Variants in PTPRC observed in about 807,000 individuals in gnomAD.
PTPRC encodes protein tyrosine phosphatase receptor type C.
PTPRC carries 44 observed loss-of-function variants against 155.9 expected under a neutral mutation model. The ratio of observed to expected loss-of-function variants is 0.28; its 90% CI spans 0.22 to 0.36. PTPRC has a LOEUF of 0.36. Among genes scored for constraint, PTPRC ranks in the 10% least tolerant of loss-of-function variants. The probability of loss-of-function intolerance (pLI) is 1.00; values close to 1 mark genes in which losing one functional copy is unlikely to be tolerated. For synonymous variants in PTPRC, 525 were observed against 533.1 expected (o/e 0.98, Z 0.21); for missense variants, 1,401 against 1,564.6 (o/e 0.90, Z 1.76).
At chr1:198,693,237 A>T (rs763968379) in intron 3 of PTPRC, 114 of 776,386 alleles carry the variant, frequency 1.5e-4, no homozygotes, top group Non-Finnish European at 1.7e-4. Context: ...GAAAATAGTA[A>T]CAAAAACACT....
chr1:198,689,784 C>T (rs1227533115), intron 2 of PTPRC, among the ~76,000 whole-genome samples: 1 of 152,126 alleles, frequency 6.6e-6, no homozygotes, highest in Non-Finnish European at 1.5e-5. Context: ...TCTTTCTTCT[C>T]CTCCTCTTCC....
At chr1:198,754,647 G>T (rs1655545621) in intron 32 of PTPRC, among the ~76,000 whole-genome samples, 1 of 151,934 alleles carries the variant, frequency 6.6e-6, no homozygotes, top group Admixed American at 6.6e-5. Flanking sequence ...GACAGTTCAT[G>T]AAGAGCCTTT....
intron 11 of PTPRC, among the ~76,000 whole-genome samples, chr1:198,711,467 AC>A (rs1293342411): frequency 2.0e-5 from 3 of 152,192 alleles, no homozygotes; most frequent in Admixed American, 6.5e-5. Context: ...TCACCTCTCA[AC>A]AAACACAAAA....
chr1:198,729,307 T>TAAGCAGAGATTGCACCA, intron 17 of PTPRC, 136 bp downstream of exon 17: 1 of 1,126,226 alleles, frequency 8.9e-7, no homozygotes, highest in Non-Finnish European at 1.2e-6. Context: ...GGTGGTGCAA[T>TAAGCAGAGATTGCACCA]CTCTGCTTAT....
At chr1:198,689,595 T>G (rs1557998983) in intron 2 of PTPRC, among the ~76,000 whole-genome samples, 1 of 152,178 alleles carries the variant, frequency 6.6e-6, no homozygotes, top group African/African-American at 2.4e-5. Flanking sequence ...TCCGTCATTC[T>G]GAGGAAAAAG....
intron 2 of PTPRC, among the ~76,000 whole-genome samples, chr1:198,689,752 G>A (rs532524143): frequency 9.2e-5 from 14 of 152,178 alleles, no homozygotes; most frequent in Admixed American, 2.0e-4. Flanking sequence ...TTATACACAA[G>A]ACTCTTTGCT....
chr1:198,704,502 A>T lies in PTPRC; in HGVS notation c.685+4A>T. The T allele has an allele frequency of 6.2e-7, 1 of 1,614,072 alleles. No individual in the cohort carries two copies. Among genetic ancestry groups the T allele is most frequent in the Non-Finnish European group, 8.5e-7 (1 of 1,179,970 alleles). On this transcript the variant is annotated splice_donor_region_variant and intron_variant, in intron 8 of 32. Coordinates refer to ENST00000442510, the MANE Select transcript of PTPRC (RefSeq NM_002838.5). ...ACTCCATCTAAGCCAACATGTGGTA[A>T]GTTTATTTACTTAGAATCAGCATAC...
chr1:198,702,496 C>T lies in PTPRC; in HGVS notation c.549C>T (p.Arg183=). ...AHHSSAALPA[R]TSNTTITANT... ...ACAGCTCTGCTGCCTTACCTGCACG[C>T]ACCTCCAACACCACCATCACAGCGA... Residue 183 remains arginine, a synonymous_variant, in exon 6 of 33, where the codon CGC becomes CGT. Coordinates refer to ENST00000442510, the MANE Select transcript of PTPRC (RefSeq NM_002838.5). 1 of 1,614,252 alleles carries T rather than the reference C, an allele frequency of 6.2e-7. No individual in the cohort carries two copies. Among genetic ancestry groups the T allele is most frequent in the South Asian group, 1.1e-5 (1 of 91,088 alleles).
At chr1:198,649,493 TGAA>T (rs1272037330) in intron 2 of PTPRC, among the ~76,000 whole-genome samples, 2 of 151,788 alleles carry the variant, frequency 1.3e-5, no homozygotes, top group Non-Finnish European at 2.9e-5. Context: ...AAAAGTAACT[TGAA>T]GAAACTTTAG....
chr1:198,664,417 C>T lies in PTPRC; in HGVS notation c.73+25076C>T, dbSNP rs756569440. Among the ~76,000 whole-genome samples, 14 of 152,088 alleles carry T rather than the reference C, an allele frequency of 9.2e-5. 1 individual carries two copies. In the South Asian group the frequency reaches 1.9e-3, roughly 20 times the overall value. ...AGTCCCTACTATCTTTCTGAGAGCACGTCTCAGAGGACATGATGTGATCCT... is the reference window on the plus strand; with the variant it reads ...AGTCCCTACTATCTTTCTGAGAGCATGTCTCAGAGGACATGATGTGATCCT... On this transcript the variant is annotated intron_variant, in intron 2 of 32. Coordinates refer to ENST00000442510, the MANE Select transcript of PTPRC (RefSeq NM_002838.5).
Position 198,687,001 on chromosome 1 carries a change from T to G in PTPRC, c.74-5346T>G, listed in dbSNP as rs544876895. 1.2e-3 allele frequency among the ~76,000 whole-genome samples: 175 copies of G among 150,082 alleles called. 2 individuals carry two copies. The highest frequency in any genetic ancestry group is 3.4e-3 in the Middle Eastern group (1 of 294). On this transcript the variant is annotated intron_variant, in intron 2 of 32. Transcript: ENST00000442510. ...ATGTTATACAACCAATCTTTTGTTG[T>G]TGTTGTTGTTGTTGTTGTTTTTGAG...
chr1:198,658,398 T>C (rs1287669787), intron 2 of PTPRC, among the ~76,000 whole-genome samples: 1 of 152,166 alleles, frequency 6.6e-6, no homozygotes, highest in African/African-American at 2.4e-5. Context: ...GTTGCTTTCT[T>C]ATACAAGGAG....
chr1:198,742,668 A>G (rs182170171), intron 25 of PTPRC, among the ~76,000 whole-genome samples: 89 of 152,048 alleles, frequency 5.9e-4, no homozygotes, highest in South Asian at 2.3e-3. Context: ...ATTTGGCATC[A>G]TCTCATAAAA....
At chr1:198,646,850 A>C (rs1043657760) in intron 2 of PTPRC, among the ~76,000 whole-genome samples, 3 of 151,900 alleles carry the variant, frequency 2.0e-5, no homozygotes, top group Non-Finnish European at 4.4e-5. Flanking sequence ...TGATAAGTTT[A>C]AAATCTTCTC....
At position 198,718,113 on chromosome 1, in the gene PTPRC, C is replaced by A; in HGVS notation, c.1470C>A (p.Asn490Lys). ...TKSAPPSQVW[N>K]MTVSMTSDNS... Reference sequence around the variant, plus strand: ...TGATAGCTCCAAGCCAGGTCTGGAACATGACTGTCTCCATGACATCAGATA... The same window carrying A: ...TGATAGCTCCAAGCCAGGTCTGGAAAATGACTGTCTCCATGACATCAGATA... The change falls in exon 14 of 33, where the codon AAC becomes AAA. Residue 490 changes from asparagine (N) to lysine (K), a missense_variant. This residue lies in a region of PTPRC where 867 missense variants were observed against 970.4 expected (regional missense o/e 0.89). Transcript: ENST00000442510. The A allele has an allele frequency of 6.2e-7, 1 of 1,613,268 alleles. No homozygotes were observed. Among genetic ancestry groups the A allele is most frequent in the Non-Finnish European group, 8.5e-7 (1 of 1,179,210 alleles).
rs189804766 is a variant in PTPRC at position 198,757,121 on chromosome 1, G to T, written c.*940G>T. 1 of 151,778 alleles carries T rather than the reference G, an allele frequency of 6.6e-6. No homozygotes were observed. Among genetic ancestry groups the T allele is most frequent in the African/African-American group, 2.4e-5 (1 of 41,472 alleles). 9.4% of individuals were successfully genotyped at this position (151,778 alleles called of 1,614,324 possible). On this transcript the variant is annotated 3_prime_UTR_variant, in exon 33 of 33. Transcript: ENST00000442510. ...TTTTTATGGAATTTTTCATTGATAT[G>T]AAAAATATGATATTGCATATGCATA...
At chr1:198,643,826 T>C (rs2102183415) in intron 2 of PTPRC, among the ~76,000 whole-genome samples, 1 of 152,066 alleles carries the variant, frequency 6.6e-6, no homozygotes, top group South Asian at 2.1e-4. Flanking sequence ...CAATTGCTGG[T>C]TTGAACACTG....
chr1:198,732,573 A>C lies in PTPRC; in HGVS notation c.2142+17A>C. 6.4e-7 allele frequency: 1 copy of C among 1,565,914 alleles called. No individual in the cohort carries two copies. Among genetic ancestry groups the C allele is most frequent in the Non-Finnish European group, 8.8e-7 (1 of 1,140,184 alleles). ...TATATTGATGTGAGTAAAAATTTGC[A>C]TTTTTCTTATACCTACATATTTCAT... On this transcript the variant is annotated intron_variant, in intron 20 of 32. Transcript: ENST00000442510.
chr1:198,726,753 A>G (rs1654150696), intron 15 of PTPRC, among the ~76,000 whole-genome samples: 2 of 152,140 alleles, frequency 1.3e-5, no homozygotes, highest in Non-Finnish European at 2.9e-5. Context: ...CCATACAGAA[A>G]ATACATCCCC....
Sources: allele counts gnomAD v4.1 joint callset (sites outside exome capture counted in the v4.1 genomes callset), GRCh38; gene constraint gnomAD v4.1.1; regional missense constraint gnomAD v4.1.1; transcripts MANE v1.5; gene names NCBI Gene and HGNC (gene_info 2026-07-23, HGNC 2026-07-21).